Variants in PFDN2 observed in about 807,000 individuals in gnomAD.
PFDN2 encodes prefoldin 2.
Under a neutral mutation model 18.3 loss-of-function variants are expected in PFDN2, and 7 were observed. The observed-to-expected ratio is 0.38, with a 90% CI of 0.22 to 0.72. PFDN2 has a LOEUF of 0.72. Ranked by LOEUF, PFDN2 falls within the 30% of genes least tolerant of loss-of-function variation. The probability of loss-of-function intolerance (pLI) is 0.47; values close to 1 mark genes in which losing one functional copy is unlikely to be tolerated. For missense variants in PFDN2, 181 were observed against 199.1 expected (o/e 0.91, Z 0.55); for synonymous variants, 76 against 75.0 (o/e 1.01, Z -0.07).
Position 161,100,839 on chromosome 1 carries a change from T to G in PFDN2, c.309A>C (p.Thr103=). The G allele has an allele frequency of 6.2e-7, 1 of 1,613,712 alleles. No homozygotes were observed. Among genetic ancestry groups the G allele is most frequent in the Non-Finnish European group, 8.5e-7 (1 of 1,179,602 alleles). ...NKEQIQKIIE[T]LTQQLQAKGK... ...CCTTTGCCTGAAGCTGCTGTGTCAG[T>G]GTCTCAATGATCTTCTGTATCTAGA... The change falls in exon 4 of 4, where the codon ACA becomes ACC. Residue 103 remains threonine (T), a synonymous_variant. Coordinates refer to ENST00000368010, the MANE Select transcript of PFDN2 (RefSeq NM_012394.4).
chr1:161,114,079 G>T (rs1654860462), intron 1 of PFDN2, among the ~76,000 whole-genome samples: 1 of 152,108 alleles, frequency 6.6e-6, no homozygotes, highest in African/African-American at 2.4e-5. Flanking sequence ...ACAAACTATG[G>T]AAAGTGATCA....
At chr1:161,107,281 C>T (rs1036581293) in intron 1 of PFDN2, among the ~76,000 whole-genome samples, 96 of 152,024 alleles carry the variant, frequency 6.3e-4, no homozygotes, top group African/African-American at 2.2e-3. Context: ...AAAAATTAGC[C>T]GGGTGTGGTG....
Position 161,118,015 on chromosome 1 carries a change from G to A in PFDN2, c.12C>T (p.Asn4=), listed in dbSNP as rs1425929625. The A allele has an allele frequency of 1.2e-6, 2 of 1,611,890 alleles. No homozygotes were observed. Among genetic ancestry groups the A allele is most frequent in the Non-Finnish European group, 1.7e-6 (2 of 1,179,370 alleles). The change falls in exon 1 of 4, where the codon AAC becomes AAT. Residue 4 remains asparagine (N), a synonymous_variant. Coordinates refer to ENST00000368010, the MANE Select transcript of PFDN2 (RefSeq NM_012394.4). ...CGCTGCTCTTGCCGGCGCGACCGCT[G>A]TTCTCCGCCATCTTCGCCGCCTGCT... MAE[N]SGRAGKSSGS...
chr1:161,114,387 C>T lies in PFDN2; in HGVS notation c.75+3565G>A, dbSNP rs12038586. On this transcript the variant is annotated intron_variant, in intron 1 of 3. Coordinates refer to ENST00000368010, the MANE Select transcript of PFDN2 (RefSeq NM_012394.4). ...CTCCATATTCAAGTTCTGTAATCCA[C>T]CTCAAACATTAAGTCCCACCTGCAT... Among the ~76,000 whole-genome samples the T allele has an allele frequency of 2.0e-5, 3 of 152,312 alleles. No individual in the cohort carries two copies. In the East Asian group the frequency reaches 5.8e-4, roughly 29 times the overall value.
chr1:161,108,482 T>C (rs1240344670), intron 1 of PFDN2, among the ~76,000 whole-genome samples: 1 of 148,794 alleles, frequency 6.7e-6, no homozygotes, highest in Non-Finnish European at 1.5e-5. Context: ...GGAGAATCAC[T>C]TGAACCCAGG....
chr1:161,109,376 A>G (rs1436793983), intron 1 of PFDN2, among the ~76,000 whole-genome samples: 5 of 152,196 alleles, frequency 3.3e-5, no homozygotes, highest in Non-Finnish European at 5.9e-5. Flanking sequence ...ATAAAAATGC[A>G]TATTAGTTAC....
At chr1:161,117,379 C>G (rs1249300767) in intron 1 of PFDN2, among the ~76,000 whole-genome samples, 1 of 152,216 alleles carries the variant, frequency 6.6e-6, no homozygotes, top group Non-Finnish European at 1.5e-5. Flanking sequence ...CAAACGCTTC[C>G]CGATGCTAGG....
At chr1:161,102,236 G>A (rs757962681) in intron 2 of PFDN2, 51 bp downstream of exon 2, 14 of 1,612,386 alleles carry the variant, frequency 8.7e-6, no homozygotes, top group African/African-American at 8.0e-5. Flanking sequence ...TCCCCCTCAC[G>A]GAGTAGCCCA....
intron 1 of PFDN2, among the ~76,000 whole-genome samples, chr1:161,107,586 G>A (rs1036099018): frequency 3.3e-5 from 5 of 152,076 alleles, no homozygotes; most frequent in African/African-American, 1.2e-4. Flanking sequence ...AGGCCAAGGC[G>A]GGCAGATTAC....
chr1:161,117,410 C>G (rs559845095), intron 1 of PFDN2, among the ~76,000 whole-genome samples: 2 of 152,236 alleles, frequency 1.3e-5, no homozygotes, highest in East Asian at 3.9e-4. Context: ...AATGCAAACT[C>G]GGATTAGAAA....
chr1:161,101,966 CAA>C, intron 3 of PFDN2, 80 bp downstream of exon 3: 5 of 1,481,866 alleles, frequency 3.4e-6, no homozygotes, highest in South Asian at 1.2e-5. Flanking sequence ...CTCCCGGACT[CAA>C]AGAGTCCACC....
intron 1 of PFDN2, among the ~76,000 whole-genome samples, chr1:161,117,653 G>A (rs889455947): frequency 6.6e-6 from 1 of 152,138 alleles, no homozygotes; most frequent in African/African-American, 2.4e-5. Context: ...AGAGGCTGAG[G>A]AGAGATAGAG....
At chr1:161,113,020 A>T (rs1400168599) in intron 1 of PFDN2, among the ~76,000 whole-genome samples, 1 of 152,100 alleles carries the variant, frequency 6.6e-6, no homozygotes, top group Non-Finnish European at 1.5e-5. Context: ...ATCTCTGGAT[A>T]GTTGGATTAT....
chr1:161,118,031 G>T lies in PFDN2; in HGVS notation c.-5C>A. ...GCGACCGCTGTTCTCCGCCATCTTCGCCGCCTGCTGGGTTTCCGGCCGGCG... is the reference window on the plus strand; with the variant it reads ...GCGACCGCTGTTCTCCGCCATCTTCTCCGCCTGCTGGGTTTCCGGCCGGCG... On this transcript the variant is annotated 5_prime_UTR_variant, in exon 1 of 4. Coordinates refer to ENST00000368010, the MANE Select transcript of PFDN2 (RefSeq NM_012394.4). The T allele has an allele frequency of 6.2e-7, 1 of 1,610,654 alleles. No homozygotes were observed.
chr1:161,100,582 A>T lies in PFDN2; in HGVS notation c.*101T>A. On this transcript the variant is annotated 3_prime_UTR_variant, in exon 4 of 4. Transcript: ENST00000368010. ...AAGATTCTGACCAAAACATTTAATT[A>T]ACAAAAAAATATTACAATAGCAGAG... 1.1e-6 allele frequency: 1 copy of T among 946,540 alleles called. No homozygotes were observed. Among genetic ancestry groups the T allele is most frequent in the Non-Finnish European group, 1.5e-6 (1 of 651,722 alleles). 58.6% of individuals were successfully genotyped at this position (946,540 alleles called of 1,614,324 possible).
At chr1:161,104,495 G>A (rs1254822995) in intron 1 of PFDN2, among the ~76,000 whole-genome samples, 2 of 149,366 alleles carry the variant, frequency 1.3e-5, no homozygotes, top group African/African-American at 4.9e-5. Flanking sequence ...CCAGGCTGGA[G>A]TGCAGTGGCA....
chr1:161,108,042 G>A (rs984722195), intron 1 of PFDN2, among the ~76,000 whole-genome samples: 2 of 150,188 alleles, frequency 1.3e-5, no homozygotes, highest in African/African-American at 2.5e-5. Context: ...TTGAACCCAG[G>A]AGGCAGACGT....
At position 161,117,659 on chromosome 1, in the gene PFDN2, T is replaced by C. The variant is rs534286718; in HGVS notation, c.75+293A>G. On this transcript the variant is annotated intron_variant, in intron 1 of 3. Transcript: ENST00000368010. ...CCTGTTTGGAGAGGCTGAGGAGAGA[T>C]AGAGAAAGCAGCAAACCATCTCCCC... is the stretch of plus-strand genomic sequence containing the variant. Among the ~76,000 whole-genome samples, 17 of 152,214 alleles carry C rather than the reference T, an allele frequency of 1.1e-4. No individual in the cohort carries two copies. The South Asian group carries it at 1.9e-3, about 17-fold the overall frequency.
At chr1:161,102,553 C>A (rs1654589398) in intron 1 of PFDN2, among the ~76,000 whole-genome samples, 178 bp from the exon 2 acceptor site, 1 of 152,166 alleles carries the variant, frequency 6.6e-6, no homozygotes, top group South Asian at 2.1e-4. Flanking sequence ...ATTCACCAAA[C>A]ACGGAGGGCT....
Sources: gnomAD v4.1 joint callset for allele counts (sites outside exome capture counted in the v4.1 genomes callset) on GRCh38, gnomAD v4.1.1 for gene constraint, MANE v1.5 for transcripts, NCBI Gene and HGNC (gene_info 2026-07-23, HGNC 2026-07-21) for gene names.